The following KCNH8 variants were observed in gnomAD, a reference collection of about 807,000 sequenced individuals.
The protein encoded by KCNH8 is potassium voltage-gated channel subfamily H member 8, also known as voltage-gated delayed rectifier potassium channel KCNH8.
In KCNH8, 70 loss-of-function variants were observed where a neutral mutation model predicts 103.6. The observed-to-expected ratio is 0.68, with a 90% CI of 0.56 to 0.82. The LOEUF (loss-of-function observed/expected upper bound fraction) is 0.82, where lower values mean the gene tolerates loss of function less well. Ranked by LOEUF, KCNH8 falls within the 40% of genes least tolerant of loss-of-function variation. KCNH8 has a pLI of 0.00. For synonymous variants in KCNH8, 498 were observed against 489.4 expected, an observed-to-expected ratio of 1.02 and a Z score of -0.23; for missense variants, 1,217 against 1,329.9, an observed-to-expected ratio of 0.92 and a Z score of 1.32.
At chr3:19,512,297 A>G (rs935381228) in intron 12 of KCNH8, among the ~76,000 whole-genome samples, 2 of 152,156 alleles carry the variant, frequency 1.3e-5, no homozygotes, top group African/African-American at 4.8e-5. Flanking sequence ...CCCAGTCAAG[A>G]GTCCAGTAGT....
chr3:19,400,468 C>T (rs1213386473), intron 7 of KCNH8, among the ~76,000 whole-genome samples: 1 of 151,720 alleles, frequency 6.6e-6, no homozygotes, highest in East Asian at 1.9e-4. Context: ...TTCAAAATTA[C>T]CTCTAAGACA....
At chr3:19,321,091 T>A (rs1191669172) in intron 3 of KCNH8, among the ~76,000 whole-genome samples, 3 of 152,072 alleles carry the variant, frequency 2.0e-5, no homozygotes, top group Non-Finnish European at 4.4e-5. Context: ...TGGCTTAATC[T>A]TGCTGATGGT....
At chr3:19,167,656 A>G (rs1438044231) in intron 1 of KCNH8, among the ~76,000 whole-genome samples, 1 of 152,226 alleles carries the variant, frequency 6.6e-6, no homozygotes, top group Non-Finnish European at 1.5e-5. Flanking sequence ...GTTACTGTAC[A>G]CAGATTCTGG....
At chr3:19,215,206 G>T (rs1038822137) in intron 1 of KCNH8, among the ~76,000 whole-genome samples, 1 of 152,154 alleles carries the variant, frequency 6.6e-6, no homozygotes, top group Non-Finnish European at 1.5e-5. Flanking sequence ...CATTTCCTGG[G>T]AATTGTGCAC....
intron 5 of KCNH8, among the ~76,000 whole-genome samples, chr3:19,371,099 A>G (rs1436148597): frequency 6.6e-6 from 1 of 151,862 alleles, no homozygotes; most frequent in East Asian, 1.9e-4. Context: ...TAGCAGCATG[A>G]TTTATAATCC....
chr3:19,417,377 G>A (rs1372412659), intron 7 of KCNH8, among the ~76,000 whole-genome samples: 1 of 151,394 alleles, frequency 6.6e-6, no homozygotes, highest in African/African-American at 2.4e-5. Context: ...TATATATTTT[G>A]TTTGAAATAT....
chr3:19,228,813 A>G (rs2063961467), intron 1 of KCNH8, among the ~76,000 whole-genome samples: 1 of 152,272 alleles, frequency 6.6e-6, no homozygotes, highest in Non-Finnish European at 1.5e-5. Flanking sequence ...TAATAAGGCC[A>G]GAGAAAAAAC....
At chr3:19,420,976 T>C (rs888735632) in intron 7 of KCNH8, among the ~76,000 whole-genome samples, 1 of 152,132 alleles carries the variant, frequency 6.6e-6, no homozygotes, top group Admixed American at 6.6e-5. Flanking sequence ...TGTGTACACA[T>C]GCATACGTGT....
chr3:19,187,321 G>T (rs1175178532), intron 1 of KCNH8, among the ~76,000 whole-genome samples: 1 of 151,552 alleles, frequency 6.6e-6, no homozygotes, highest in South Asian at 2.1e-4. Context: ...GATATGCATA[G>T]ATATATATAT....
intron 11 of KCNH8, among the ~76,000 whole-genome samples, chr3:19,470,704 G>A (rs945166349): frequency 6.6e-6 from 1 of 152,118 alleles, no homozygotes; most frequent in Admixed American, 6.5e-5. Context: ...AAAGAGGGTG[G>A]GTAGGCAGAG....
At chr3:19,169,520 A>G (rs1421548290) in intron 1 of KCNH8, among the ~76,000 whole-genome samples, 1 of 152,098 alleles carries the variant, frequency 6.6e-6, no homozygotes, top group East Asian at 1.9e-4. Flanking sequence ...TGCCGGGATT[A>G]CAGGCGTGAG....
chr3:19,409,513 A>G (rs1309242947), intron 7 of KCNH8, among the ~76,000 whole-genome samples: 1 of 152,174 alleles, frequency 6.6e-6, no homozygotes, highest in African/African-American at 2.4e-5. Flanking sequence ...AACCTCTCAT[A>G]TCAATATTAA....
intron 1 of KCNH8, among the ~76,000 whole-genome samples, chr3:19,191,954 A>AT (rs199555606): frequency 1.2e-4 from 18 of 147,922 alleles, no homozygotes; most frequent in African/African-American, 2.0e-4. Context: ...CTTTCTTTTA[A>AT]TTTTTTTTTT....
intron 11 of KCNH8, among the ~76,000 whole-genome samples, chr3:19,478,178 T>C (rs2068015579): frequency 6.6e-6 from 1 of 152,140 alleles, no homozygotes; most frequent in African/African-American, 2.4e-5. Flanking sequence ...GATCCTCCAC[T>C]GATGGGCCTA....
At chr3:19,301,902 A>G (rs947446527) in intron 3 of KCNH8, among the ~76,000 whole-genome samples, 1 of 152,340 alleles carries the variant, frequency 6.6e-6, no homozygotes, top group Admixed American at 6.5e-5. Flanking sequence ...AAGATATTTT[A>G]AAGGATACAA....
chr3:19,508,225 C>G (rs943945871), intron 11 of KCNH8, among the ~76,000 whole-genome samples: 1 of 152,020 alleles, frequency 6.6e-6, no homozygotes, highest in African/African-American at 2.4e-5. Flanking sequence ...GTGTCTATGC[C>G]AGATTTTGGT....
At chr3:19,337,498 T>C (rs1454789660) in intron 3 of KCNH8, among the ~76,000 whole-genome samples, 1 of 152,048 alleles carries the variant, frequency 6.6e-6, no homozygotes, top group Non-Finnish European at 1.5e-5. Flanking sequence ...CCTCTTGTAT[T>C]TTACTCATTT....
intron 3 of KCNH8, among the ~76,000 whole-genome samples, chr3:19,313,581 G>A (rs141919983): frequency 1.9e-4 from 29 of 151,806 alleles, no homozygotes; most frequent in African/African-American, 6.5e-4. Flanking sequence ...CAGAGCCAGT[G>A]AACATTCAGT....
At chr3:19,275,584 C>A (rs2064657839) in intron 2 of KCNH8, among the ~76,000 whole-genome samples, 1 of 152,098 alleles carries the variant, frequency 6.6e-6, no homozygotes, top group South Asian at 2.1e-4. Context: ...ATGTTCACTG[C>A]AGATAAGGTG....
Sources: allele counts gnomAD v4.1 joint callset (sites outside exome capture counted in the v4.1 genomes callset), GRCh38; gene constraint gnomAD v4.1.1; transcripts MANE v1.5; gene names NCBI Gene and HGNC (gene_info 2026-07-23, HGNC 2026-07-21).